The following ALK variants were observed in gnomAD, a reference collection of about 807,000 sequenced individuals.
ALK encodes ALK tyrosine kinase receptor.
In ALK, 74 loss-of-function variants were observed where a neutral mutation model predicts 163.1. The ratio of observed to expected loss-of-function variants is 0.45; its 90% confidence interval spans 0.38 to 0.55. ALK has a LOEUF of 0.55. Among genes scored for constraint, ALK ranks in the 20% least tolerant of loss-of-function variants. The probability of loss-of-function intolerance (pLI) is 0.00; values close to 1 mark genes in which losing one functional copy is unlikely to be tolerated. For synonymous variants in ALK, 960 were observed against 843.2 expected, an observed-to-expected ratio of 1.14 and a Z score of -2.40; for missense variants, 2,063 against 2,105.3, an observed-to-expected ratio of 0.98 and a Z score of 0.39.
At chr2:29,891,238 G>A (rs958301393) in intron 1 of ALK, among the ~76,000 whole-genome samples, 6 of 152,078 alleles carry the variant, frequency 3.9e-5, no homozygotes, top group African/African-American at 7.2e-5. Context: ...TTCCTTTGGG[G>A]GTAAAGGCTC....
intron 13 of ALK, among the ~76,000 whole-genome samples, chr2:29,238,678 C>G (rs941921806): frequency 7.2e-5 from 11 of 152,174 alleles, no homozygotes; most frequent in African/African-American, 2.2e-4. Context: ...TCACTCTCCC[C>G]ACATGCCCCT....
At chr2:29,472,923 G>A (rs1047464145) in intron 4 of ALK, among the ~76,000 whole-genome samples, 2 of 152,198 alleles carry the variant, frequency 1.3e-5, no homozygotes, top group East Asian at 1.9e-4. Flanking sequence ...TAGTTAGAAT[G>A]TCAGGTCTCC....
At chr2:29,506,763 A>C (rs952014919) in intron 4 of ALK, among the ~76,000 whole-genome samples, 2 of 152,104 alleles carry the variant, frequency 1.3e-5, no homozygotes, top group Non-Finnish European at 2.9e-5. Flanking sequence ...AAACAAAAAA[A>C]AAAAGTTAAG....
chr2:29,653,766 A>C (rs1677100396), intron 3 of ALK, among the ~76,000 whole-genome samples: 1 of 152,112 alleles, frequency 6.6e-6, no homozygotes, highest in Non-Finnish European at 1.5e-5. Flanking sequence ...AAAAGTAGTA[A>C]AAATCATATA....
intron 4 of ALK, among the ~76,000 whole-genome samples, chr2:29,423,107 A>G (rs1449435964): frequency 2.0e-5 from 3 of 152,200 alleles, no homozygotes; most frequent in Non-Finnish European, 4.4e-5. Flanking sequence ...AGCAGAAAGA[A>G]AGAAAAGTGG....
chr2:29,392,333 T>C (rs1352445113), intron 4 of ALK, among the ~76,000 whole-genome samples: 2 of 152,228 alleles, frequency 1.3e-5, no homozygotes, highest in African/African-American at 2.4e-5. Flanking sequence ...CAAGACTATC[T>C]TCAAAACTCT....
chr2:29,576,452 A>C (rs1443703027), intron 3 of ALK, among the ~76,000 whole-genome samples: 1 of 152,216 alleles, frequency 6.6e-6, no homozygotes, highest in African/African-American at 2.4e-5. Flanking sequence ...GTCAATGCCA[A>C]CTTGGTAAGG....
intron 8 of ALK, among the ~76,000 whole-genome samples, chr2:29,300,262 T>A (rs1359454216): frequency 6.6e-6 from 1 of 151,982 alleles, no homozygotes; most frequent in African/African-American, 2.4e-5. Flanking sequence ...GAGATGCACA[T>A]ACCTGGCCGG....
intron 5 of ALK, among the ~76,000 whole-genome samples, chr2:29,374,384 T>A (rs75313096): frequency 8.4e-4 from 127 of 151,700 alleles, no homozygotes; most frequent in Non-Finnish European, 1.5e-3. Flanking sequence ...AAGCCTCTAA[T>A]CTCTCTCCTA....
At chr2:29,701,617 C>T (rs1286225549) in intron 2 of ALK, among the ~76,000 whole-genome samples, 1 of 152,124 alleles carries the variant, frequency 6.6e-6, no homozygotes, top group Non-Finnish European at 1.5e-5. Flanking sequence ...TTCCTGGCAA[C>T]GCATGCTGTA....
rs149651680 is a variant in ALK, at chr2:29,601,357, A to T, written c.953-69241T>A. Among the ~76,000 whole-genome samples the T allele has an allele frequency of 6.9e-3, 1,048 of 152,316 alleles. 11 individuals carry two copies. Among genetic ancestry groups the T allele is most frequent in the South Asian group, 0.042 (202 of 4,824 alleles). The stretch of plus-strand genomic sequence containing the variant: ...TGCCTCGGTTTCCCCATGTGTTCAC[A>T]GGGGATAATCATGTGTCCTCTGCCT... On this transcript the variant is annotated intron_variant, in intron 3 of 28. Coordinates refer to ENST00000389048, the MANE Select transcript of ALK (RefSeq NM_004304.5).
chr2:29,322,968 A>G (rs1247504644), intron 6 of ALK, among the ~76,000 whole-genome samples: 1 of 152,106 alleles, frequency 6.6e-6, no homozygotes, highest in Non-Finnish European at 1.5e-5. Context: ...CTCCCTCCTT[A>G]CCCTTTTAGG....
chr2:29,257,804 T>G (rs1376603586), intron 11 of ALK, among the ~76,000 whole-genome samples: 1 of 152,174 alleles, frequency 6.6e-6, no homozygotes, highest in Non-Finnish European at 1.5e-5. Flanking sequence ...TCCCAGTAAA[T>G]AAAAATCATG....
chr2:29,251,478 A>C (rs1664814098), intron 11 of ALK, among the ~76,000 whole-genome samples: 1 of 152,252 alleles, frequency 6.6e-6, no homozygotes, highest in Admixed American at 6.5e-5. Flanking sequence ...TCAGAGACAA[A>C]GATGGGGCAG....
intron 3 of ALK, among the ~76,000 whole-genome samples, chr2:29,678,866 G>A: frequency 6.6e-6 from 1 of 151,708 alleles, no homozygotes; most frequent in Non-Finnish European, 1.5e-5. Flanking sequence ...GTAGTCGTTA[G>A]GTGGAAAGGT....
chr2:29,289,306 G>A (rs547408137), intron 9 of ALK, among the ~76,000 whole-genome samples: 97 of 152,260 alleles, frequency 6.4e-4, no homozygotes, highest in African/African-American at 2.2e-3. Context: ...CTGCTCCCAC[G>A]TCCCTTATCA....
rs901825471 is a variant in ALK at position 29,468,667 on chromosome 2, A to G, written c.1154+63248T>C. On this transcript the variant is annotated intron_variant, in intron 4 of 28. Coordinates refer to ENST00000389048, the MANE Select transcript of ALK (RefSeq NM_004304.5). ...GGTTCAGGACCAGACTGGCCAAAAT[A>G]GTGAGACCCTTTCTCTACAAAAAAT... is the stretch of plus-strand genomic sequence containing the variant. 9.9e-5 allele frequency among the ~76,000 whole-genome samples: 15 copies of G among 151,976 alleles called. 1 individual carries two copies. The highest frequency in any genetic ancestry group is 7.2e-4 in the Admixed American group (11 of 15,258).
At chr2:29,301,042 T>G (rs919814903) in intron 8 of ALK, among the ~76,000 whole-genome samples, 1 of 152,212 alleles carries the variant, frequency 6.6e-6, no homozygotes, top group Non-Finnish European at 1.5e-5. Flanking sequence ...CTGTCTGCAT[T>G]ACCTTCCAGT....
intron 1 of ALK, among the ~76,000 whole-genome samples, chr2:29,824,449 C>CTAG (rs1665138480): frequency 6.6e-6 from 1 of 152,222 alleles, no homozygotes; most frequent in Non-Finnish European, 1.5e-5. Context: ...GCCACAGACA[C>CTAG]TCAATGCCAG....
Sources: gnomAD v4.1 joint callset for allele counts (sites outside exome capture counted in the v4.1 genomes callset) on GRCh38, gnomAD v4.1.1 for gene constraint, MANE v1.5 for transcripts, NCBI Gene and HGNC (gene_info 2026-07-23, HGNC 2026-07-21) for gene names.